KCNIP4: variants seen among roughly 807,000 people sequenced by gnomAD.
KCNIP4 encodes the protein Kv channel-interacting protein 4.
Under a neutral mutation model 34.0 loss-of-function variants are expected in KCNIP4, and 12 were observed. The ratio of observed to expected loss-of-function variants is 0.35; its 90% confidence interval spans 0.23 to 0.57. KCNIP4 has a LOEUF of 0.57. KCNIP4 is among the 20% of genes least tolerant of loss of function. The probability of loss-of-function intolerance (pLI) is 0.83; values close to 1 mark genes in which losing one functional copy is unlikely to be tolerated. For synonymous variants in KCNIP4, 124 were observed against 102.2 expected (o/e 1.21, Z -1.29); for missense variants, 238 against 311.7 (o/e 0.76, Z 1.78).
chr4:21,434,747 T>C (rs901182565), intron 1 of KCNIP4, among the ~76,000 whole-genome samples: 354 of 103,536 alleles, frequency 3.4e-3, no homozygotes, highest in Middle Eastern at 0.011. Flanking sequence ...CCCGCCCCCC[T>C]CCCCACAACC....
At chr4:21,284,570 A>G (rs537444892) in intron 1 of KCNIP4, among the ~76,000 whole-genome samples, 1 of 152,126 alleles carries the variant, frequency 6.6e-6, no homozygotes, top group Non-Finnish European at 1.5e-5. Flanking sequence ...TAGGAAGGTA[A>G]AAGAGGGGAA....
intron 1 of KCNIP4, among the ~76,000 whole-genome samples, chr4:21,385,439 T>G (rs1218132125): frequency 1.3e-5 from 2 of 152,162 alleles, no homozygotes; most frequent in Admixed American, 6.6e-5. Flanking sequence ...TGGTTAGGAC[T>G]GTGGGCTCCC....
At chr4:20,981,739 C>T (rs1736087733) in intron 1 of KCNIP4, among the ~76,000 whole-genome samples, 1 of 152,128 alleles carries the variant, frequency 6.6e-6, no homozygotes, top group Non-Finnish European at 1.5e-5. Context: ...ATGGTGATAA[C>T]CTGCATCCTT....
chr4:21,358,437 A>G (rs562880424), intron 1 of KCNIP4, among the ~76,000 whole-genome samples: 1 of 152,288 alleles, frequency 6.6e-6, no homozygotes, highest in South Asian at 2.1e-4. Context: ...TATTTGATTC[A>G]TGATTACCAC....
chr4:21,626,752 T>C (rs10516395), intron 1 of KCNIP4, among the ~76,000 whole-genome samples: 33,421 of 151,984 alleles, frequency 0.22, 3,743 homozygotes, highest in Middle Eastern at 0.27. Context: ...GGAACTAGTA[T>C]GTAAATAATG....
rs543581042 is a variant in KCNIP4, at chr4:20,825,448, G to C, written c.288+25095C>G. On this transcript the variant is annotated intron_variant, in intron 3 of 8. Coordinates refer to ENST00000382152, the MANE Select transcript of KCNIP4 (RefSeq NM_025221.6). ...TAGAACTTGATGGCTGATTGAATTT[G>C]AATGACTAGGGAAAAGAAGGAGTCA... 1.4e-4 allele frequency among the ~76,000 whole-genome samples: 21 copies of C among 152,228 alleles called. No homozygotes were observed. The South Asian group carries it at 4.1e-3, about 30-fold the overall frequency.
intron 1 of KCNIP4, among the ~76,000 whole-genome samples, chr4:21,523,986 T>A (rs949518621): frequency 3.3e-5 from 5 of 152,208 alleles, no homozygotes; most frequent in Non-Finnish European, 4.4e-5. Flanking sequence ...ATCCAAAATG[T>A]ATGATATTTC....
At chr4:21,670,963 C>CT (rs1168451300) in intron 1 of KCNIP4, among the ~76,000 whole-genome samples, 122 of 139,480 alleles carry the variant, frequency 8.7e-4, no homozygotes, top group Admixed American at 1.7e-3. Context: ...GCTGAGTAAA[C>CT]TTTTTTTTTT....
At chr4:21,441,821 A>G (rs1206674487) in intron 1 of KCNIP4, among the ~76,000 whole-genome samples, 1 of 152,220 alleles carries the variant, frequency 6.6e-6, no homozygotes, top group Admixed American at 6.5e-5. Context: ...TCCTGTGGGA[A>G]CATATGACTC....
At position 20,777,192 on chromosome 4, in the gene KCNIP4, C is replaced by G. The variant is rs547365150; in HGVS notation, c.289-18302G>C. Among the ~76,000 whole-genome samples, 56 of 152,284 alleles carry G rather than the reference C, an allele frequency of 3.7e-4. 1 individual carries two copies. Among genetic ancestry groups the G allele is most frequent in the Non-Finnish European group, 6.0e-4 (41 of 68,024 alleles). On this transcript the variant is annotated intron_variant, in intron 3 of 8. Transcript: ENST00000382152. ...AACTTAGGGCAGAAAGGGAAGAAAA[C>G]ATGTCCTTCTTCACATGGCAGCAGA...
At chr4:21,674,607 T>C (rs1043713542) in intron 1 of KCNIP4, among the ~76,000 whole-genome samples, 1 of 152,172 alleles carries the variant, frequency 6.6e-6, no homozygotes, top group African/African-American at 2.4e-5. Flanking sequence ...CTTTGAGAAA[T>C]GAAGCTCAGA....
rs1038494524 is a variant in KCNIP4 at position 21,792,774 on chromosome 4, G to T, written c.61+155797C>A. Among the ~76,000 whole-genome samples the T allele has an allele frequency of 2.0e-5, 3 of 152,224 alleles. No individual in the cohort carries two copies. In the East Asian group the frequency reaches 5.8e-4, roughly 29 times the overall value. Reference sequence around the variant, plus strand: ...ACCACCTCTCTAACTTTATGGAGGAGAATCTCTGATTGTGAAGGGTTATGA... The same window carrying T: ...ACCACCTCTCTAACTTTATGGAGGATAATCTCTGATTGTGAAGGGTTATGA... On this transcript the variant is annotated intron_variant, in intron 1 of 8. Coordinates refer to ENST00000382152, the MANE Select transcript of KCNIP4 (RefSeq NM_025221.6).
At chr4:21,943,536 A>T (rs1416663622) in intron 1 of KCNIP4, among the ~76,000 whole-genome samples, 1 of 152,042 alleles carries the variant, frequency 6.6e-6, no homozygotes, top group East Asian at 1.9e-4. Flanking sequence ...TGAGACTCTG[A>T]TTCAAAAGAA....
chr4:21,934,478 T>A (rs1035334533), intron 1 of KCNIP4, among the ~76,000 whole-genome samples: 1 of 152,036 alleles, frequency 6.6e-6, no homozygotes, highest in Non-Finnish European at 1.5e-5. Flanking sequence ...GAAGTCACAA[T>A]TAAAAATAAG....
intron 1 of KCNIP4, among the ~76,000 whole-genome samples, chr4:21,548,293 G>T (rs899101159): frequency 1.3e-5 from 2 of 151,972 alleles, no homozygotes; most frequent in Admixed American, 6.6e-5. Context: ...TTAATTTTGT[G>T]ATTTCTTTTG....
chr4:21,701,847 G>A (rs760129142), intron 1 of KCNIP4, among the ~76,000 whole-genome samples: 10 of 151,834 alleles, frequency 6.6e-5, no homozygotes, highest in African/African-American at 1.2e-4. Flanking sequence ...GGCATTACAG[G>A]TGCCCGCCAC....
Position 21,784,520 on chromosome 4 carries a change from G to A in KCNIP4, c.61+164051C>T, listed in dbSNP as rs115725784. Among the ~76,000 whole-genome samples the A allele has an allele frequency of 8.9e-3, 1,358 of 152,054 alleles. 24 individuals are homozygous for A. Among genetic ancestry groups the A allele is most frequent in the African/African-American group, 0.031 (1,291 of 41,510 alleles). ...AGTCTTTGAACTCATATTCTAATAT[G>A]TCAACCTGCCAAAGACAGAAACATT... On this transcript the variant is annotated intron_variant, in intron 1 of 8. Coordinates refer to ENST00000382152, the MANE Select transcript of KCNIP4 (RefSeq NM_025221.6).
intron 2 of KCNIP4, among the ~76,000 whole-genome samples, chr4:20,879,317 C>A (rs1724421161): frequency 6.6e-6 from 1 of 152,146 alleles, no homozygotes; most frequent in African/African-American, 2.4e-5. Context: ...TCTTGCTCAA[C>A]TACCAATCAG....
chr4:21,329,786 C>T (rs1260296349), intron 1 of KCNIP4, among the ~76,000 whole-genome samples: 4 of 152,094 alleles, frequency 2.6e-5, no homozygotes, highest in East Asian at 1.9e-4. Context: ...GAAAGATTAT[C>T]GAAGAGGGTG....
Sources: gnomAD v4.1 joint callset for allele counts (sites outside exome capture counted in the v4.1 genomes callset) on GRCh38, gnomAD v4.1.1 for gene constraint, MANE v1.5 for transcripts, NCBI Gene and HGNC (gene_info 2026-07-23, HGNC 2026-07-21) for gene names.